Variants in KIF26B observed in about 807,000 individuals in gnomAD.
The protein encoded by KIF26B is kinesin-like protein KIF26B.
A neutral mutation model predicts 151.2 loss-of-function variants in KIF26B; 63 were observed. That is an observed-to-expected ratio of 0.42 (90% CI 0.34 to 0.51). KIF26B has a LOEUF of 0.51. KIF26B is among the 20% of genes least tolerant of loss of function. The probability of loss-of-function intolerance (pLI) is 0.07; values close to 1 mark genes in which losing one functional copy is unlikely to be tolerated. For missense variants in KIF26B, 2,813 were observed against 2,913.6 expected (o/e 0.97, Z 0.79); for synonymous variants, 1,357 against 1,262.1 (o/e 1.08, Z -1.59).
chr1:245,688,919 C>CCTG, intron 12 of KIF26B, 112 bp downstream of exon 12: 1 of 1,346,270 alleles, frequency 7.4e-7, no homozygotes, highest in South Asian at 1.6e-5. Context: ...CAGGCCTGGC[C>CCTG]TCTCCTTGCA....
chr1:245,626,959 G>A (rs1043542354), intron 9 of KIF26B, among the ~76,000 whole-genome samples: 2 of 152,078 alleles, frequency 1.3e-5, no homozygotes, highest in African/African-American at 4.8e-5. Flanking sequence ...TGGATATCTA[G>A]TTTTCCCAGC....
rs1668684618 is a variant in KIF26B at position 245,170,071 on chromosome 1, C to T, written c.465+13388C>T. On this transcript the variant is annotated intron_variant, in intron 2 of 14. Coordinates refer to ENST00000407071, the MANE Select transcript of KIF26B (RefSeq NM_018012.4). The surrounding 1 kb of genome is among the most constrained non-coding windows in gnomAD (Gnocchi z 4.4). ...AAAAAAAATCACCCGTCCACTGCTG[C>T]ATAACCAAAACGTCACTGGTGTGAA... 6.6e-6 allele frequency among the ~76,000 whole-genome samples: 1 copy of T among 152,056 alleles called. No homozygotes were observed. Among genetic ancestry groups the T allele is most frequent in the South Asian group, 2.1e-4 (1 of 4,810 alleles).
intron 2 of KIF26B, among the ~76,000 whole-genome samples, chr1:245,225,363 C>A (rs115688754): frequency 0.012 from 1,793 of 152,342 alleles, 15 homozygotes; most frequent in Middle Eastern, 0.024. Flanking sequence ...AACAACATGG[C>A]CACAGGCTGT....
chr1:245,686,791 G>C lies in KIF26B; in HGVS notation c.3808G>C (p.Asp1270His), dbSNP rs1181742930. ...PKMSLDEKAQ[D>H]AGSRRSSISS... The stretch of plus-strand genomic sequence containing the variant: ...GATGAGCCTGGATGAGAAGGCCCAG[G>C]ACGCAGGGAGCAGACGCTCTTCCAT... Residue 1270 changes from aspartate (D) to histidine (H), a missense_variant, in exon 12 of 15, where the codon GAC (aspartate) becomes CAC (histidine). Physicochemically the swap from Asp to His is moderately conservative, Grantham distance 81. This residue lies in a region of KIF26B where 2,060 missense variants were observed against 2,088.6 expected (regional missense o/e 0.99). Coordinates refer to ENST00000407071, the MANE Select transcript of KIF26B (RefSeq NM_018012.4). The surrounding 1 kb of genome is among the most constrained non-coding windows in gnomAD (Gnocchi z 5.6). The C allele has an allele frequency of 1.2e-6, 2 of 1,613,400 alleles. No homozygotes were observed. The highest frequency in any genetic ancestry group is 2.2e-5 in the East Asian group (1 of 44,852).
chr1:245,355,907 T>C (rs1174929702), intron 2 of KIF26B, among the ~76,000 whole-genome samples: 2 of 152,302 alleles, frequency 1.3e-5, no homozygotes, highest in East Asian at 3.9e-4. Flanking sequence ...CAGATGTCCC[T>C]GTCTACTTCT....
chr1:245,514,781 G>A (rs1348178692), intron 4 of KIF26B, among the ~76,000 whole-genome samples: 5 of 152,116 alleles, frequency 3.3e-5, no homozygotes, highest in Admixed American at 6.5e-5. Context: ...CTCCATTTGA[G>A]CTACTGCTGG....
rs191813908 is a variant in KIF26B at position 245,185,905 on chromosome 1, C to T, written c.465+29222C>T. ...TTTATTTTATTTTGAGACAGAGTCT[C>T]ACTCTGTCGCCCAAGCTGGAGTGCG... On this transcript the variant is annotated intron_variant, in intron 2 of 14. Coordinates refer to ENST00000407071, the MANE Select transcript of KIF26B (RefSeq NM_018012.4). Among the ~76,000 whole-genome samples the T allele has an allele frequency of 2.7e-4, 41 of 151,956 alleles. 1 individual carries two copies. In the East Asian group the frequency reaches 6.8e-3, roughly 25 times the overall value.
intron 4 of KIF26B, among the ~76,000 whole-genome samples, chr1:245,513,727 C>T (rs10802215): frequency 0.24 from 37,220 of 152,130 alleles, 5,570 homozygotes; most frequent in East Asian, 0.49. Flanking sequence ...AAAAACCAAG[C>T]GTGGCCTTCA....
chr1:245,440,006 G>T (rs1659031345), intron 4 of KIF26B, among the ~76,000 whole-genome samples: 1 of 152,222 alleles, frequency 6.6e-6, no homozygotes, highest in African/African-American at 2.4e-5. Flanking sequence ...CAGATCACGA[G>T]GTGAGGAGAT....
intron 4 of KIF26B, among the ~76,000 whole-genome samples, chr1:245,532,209 G>A (rs1348234386): frequency 2.0e-5 from 3 of 150,084 alleles, no homozygotes; most frequent in African/African-American, 5.0e-5. Flanking sequence ...TGAAGCATAG[G>A]AAAATTCTTT....
chr1:245,571,530 C>A (rs2043066033), intron 5 of KIF26B, among the ~76,000 whole-genome samples: 1 of 152,220 alleles, frequency 6.6e-6, no homozygotes, highest in African/African-American at 2.4e-5. Context: ...GCCTGATTGG[C>A]TTTTCTTGAG....
chr1:245,264,391 T>C (rs1191525742), intron 2 of KIF26B, among the ~76,000 whole-genome samples: 1 of 152,218 alleles, frequency 6.6e-6, no homozygotes, highest in African/African-American at 2.4e-5. Flanking sequence ...TCTCTAATAG[T>C]TGGATTTGTG....
At position 245,241,116 on chromosome 1, in the gene KIF26B, A is replaced by T. The variant is rs1376696591; in HGVS notation, c.465+84433A>T. Among the ~76,000 whole-genome samples, 1 of 152,178 alleles carries T rather than the reference A, an allele frequency of 6.6e-6. No individual in the cohort carries two copies. The highest frequency in any genetic ancestry group is 1.5e-5 in the Non-Finnish European group (1 of 68,030). On this transcript the variant is annotated intron_variant, in intron 2 of 14. Transcript: ENST00000407071. The surrounding 1 kb of genome is among the most constrained non-coding windows in gnomAD (Gnocchi z 5.0). Reference sequence around the variant, plus strand: ...TCAGAATACACCTGTCAGGAAAATCATCGGTAGTGAGCAGTTTCTTCCCGT... The same window carrying T: ...TCAGAATACACCTGTCAGGAAAATCTTCGGTAGTGAGCAGTTTCTTCCCGT...
intron 2 of KIF26B, among the ~76,000 whole-genome samples, chr1:245,228,853 GTTCA>G (rs1211801359): frequency 6.6e-6 from 1 of 152,220 alleles, no homozygotes; most frequent in Non-Finnish European, 1.5e-5. Context: ...TGACTCCAGA[GTTCA>G]TTCTCCAATC....
intron 2 of KIF26B, chr1:245,216,291 A>G (rs1472525834): frequency 6.6e-6 from 1 of 152,098 alleles, no homozygotes; most frequent in Non-Finnish European, 1.5e-5. Flanking sequence ...GCTCCTTGCA[A>G]CATCTGATGT....
chr1:245,449,855 G>A (rs912812521), intron 4 of KIF26B, among the ~76,000 whole-genome samples: 1 of 152,184 alleles, frequency 6.6e-6, no homozygotes, highest in South Asian at 2.1e-4. Flanking sequence ...CAAGGACATC[G>A]TCATACTGTG....
intron 10 of KIF26B, among the ~76,000 whole-genome samples, chr1:245,654,055 C>G (rs183309024): frequency 7.9e-5 from 12 of 152,180 alleles, no homozygotes; most frequent in African/African-American, 2.9e-4. Context: ...AGAGCAAGAC[C>G]CTGCCTCTAA....
intron 12 of KIF26B, among the ~76,000 whole-genome samples, chr1:245,692,721 A>G (rs1381563084): frequency 6.6e-6 from 1 of 152,238 alleles, no homozygotes; most frequent in African/African-American, 2.4e-5. Flanking sequence ...AAAGAATATC[A>G]GTATATTATT....
At chr1:245,699,152 G>A in intron 14 of KIF26B, 115 bp downstream of exon 14, 1 of 1,135,376 alleles carries the variant, frequency 8.8e-7, no homozygotes, top group Non-Finnish European at 1.3e-6. Context: ...TCAGTCACAG[G>A]ATGCCCATCA....
Sources: gnomAD v4.1 joint callset for allele counts (sites outside exome capture counted in the v4.1 genomes callset) on GRCh38, gnomAD v4.1.1 for gene constraint, gnomAD v4.1.1 regional missense constraint, Gnocchi (gnomAD v3.1) non-coding constraint, MANE v1.5 for transcripts, NCBI Gene and HGNC (gene_info 2026-07-23, HGNC 2026-07-21) for gene names.